Variants in GPM6B observed in about 807,000 individuals in gnomAD.
GPM6B encodes glycoprotein M6B.
GPM6B carries 4 observed loss-of-function variants against 27.2 expected under a neutral mutation model. The ratio of observed to expected loss-of-function variants is 0.15; its 90% CI spans 0.07 to 0.34. The LOEUF is 0.34. GPM6B is among the 10% of genes least tolerant of loss of function. The pLI, the probability that GPM6B is intolerant of heterozygous loss-of-function variation, is 1.00. For synonymous variants in GPM6B, 124 were observed against 103.1 expected (o/e 1.20, Z -1.23); for missense variants, 183 against 261.9 (o/e 0.70, Z 2.08).
At chrX:13,850,476 C>T (rs1288902543) in intron 1 of GPM6B, among the ~76,000 whole-genome samples, 1 of 112,597 alleles carries the variant, frequency 8.9e-6, no homozygotes, top group Non-Finnish European at 1.9e-5. Flanking sequence ...CTCAGGCGTT[C>T]CTTTATAGCA....
At chrX:13,824,773 A>G (rs2049352180) in intron 1 of GPM6B, among the ~76,000 whole-genome samples, 1 of 111,852 alleles carries the variant, frequency 8.9e-6, no homozygotes, top group African/African-American at 3.3e-5. Context: ...GGAACTGGAG[A>G]GATCGGGTGA....
intron 1 of GPM6B, among the ~76,000 whole-genome samples, chrX:13,825,661 C>A (rs890671500): frequency 8.9e-6 from 1 of 112,729 alleles, no homozygotes; most frequent in Non-Finnish European, 1.9e-5. Flanking sequence ...TACAGGGGGG[C>A]TACAGAAGTT....
intron 1 of GPM6B, among the ~76,000 whole-genome samples, chrX:13,827,608 C>T (rs187271696): frequency 2.7e-5 from 3 of 111,967 alleles, no homozygotes; most frequent in Non-Finnish European, 5.6e-5. Context: ...TGAGGCCTAA[C>T]CTTCAATACT....
At chrX:13,901,438 A>T (rs67549520) in intron 1 of GPM6B, among the ~76,000 whole-genome samples, 424 of 28,585 alleles carry the variant, frequency 0.015, no homozygotes, top group East Asian at 0.074. Context: ...TTTTTTTTTT[A>T]AAAAAAAAGG....
chrX:13,783,830 C>T (rs1569191731), intron 3 of GPM6B: 1 of 383,590 alleles, frequency 2.6e-6, no homozygotes. Context: ...ATAAGTAAAA[C>T]ACAGGCATTG....
chrX:13,921,888 T>G (rs902254418), intron 1 of GPM6B, among the ~76,000 whole-genome samples: 1 of 111,592 alleles, frequency 9.0e-6, no homozygotes, highest in Non-Finnish European at 1.9e-5. Context: ...ATACCCACTT[T>G]TAATAATATG....
chrX:13,918,792 G>T (rs892715838), intron 1 of GPM6B, among the ~76,000 whole-genome samples: 7 of 110,921 alleles, frequency 6.3e-5, no homozygotes, highest in Non-Finnish European at 1.3e-4. Flanking sequence ...GCAGGGAGGT[G>T]CCAAACACTT....
intron 1 of GPM6B, among the ~76,000 whole-genome samples, chrX:13,878,641 C>T (rs912331117): frequency 1.9e-4 from 21 of 111,662 alleles, no homozygotes; most frequent in Non-Finnish European, 1.5e-4. Flanking sequence ...CCCCCCACCC[C>T]AAGATGTCCA....
At chrX:13,925,476 A>G (rs1341637856) in intron 1 of GPM6B, among the ~76,000 whole-genome samples, 1 of 95,640 alleles carries the variant, frequency 1.0e-5, no homozygotes, top group Non-Finnish European at 2.1e-5. Context: ...ACAGGCAGGC[A>G]CCACCATGTC....
rs190686813 is a variant in GPM6B, at chrX:13,928,194, A to G, written c.-198+10133T>C. ...TAGGGGTGATTAGCCTTGATCAGGTATATCTGTAAGGCAGCCTGAGGCGGC... is the reference window on the plus strand; with the variant it reads ...TAGGGGTGATTAGCCTTGATCAGGTGTATCTGTAAGGCAGCCTGAGGCGGC... On this transcript the variant is annotated intron_variant, in intron 1 of 6. Transcript: ENST00000398361. Among the ~76,000 whole-genome samples the G allele has an allele frequency of 3.2e-3, 360 of 112,299 alleles. 2 individuals carry two copies. In the Middle Eastern group the frequency reaches 0.032, roughly 10 times the overall value.
chrX:13,807,710 T>A lies in GPM6B; in HGVS notation c.121A>T (p.Asn41Tyr). 1 of 1,206,265 alleles carries A rather than the reference T, an allele frequency of 8.3e-7. No homozygotes were observed. Among genetic ancestry groups the A allele is most frequent in the Non-Finnish European group, 1.1e-6 (1 of 890,813 alleles). The change falls in exon 2 of 8, where the codon AAC becomes TAC. Residue 41 changes from asparagine (N) to tyrosine (Y), a missense_variant. Asn to Tyr is a moderately radical substitution (Grantham distance 143). Transcript: ENST00000316715. ...RYHWMYPGSK[N>Y]HQYHPVPTLG... ...GTTGGCACGGGATGGTACTGGTGGT[T>A]CTTTGAGCCTGGGTACATCCAGTGG...
chrX:13,788,931 T>C (rs942581585), intron 2 of GPM6B, among the ~76,000 whole-genome samples: 3 of 111,524 alleles, frequency 2.7e-5, no homozygotes, highest in Non-Finnish European at 5.6e-5. Flanking sequence ...ATCACTTCAA[T>C]GAATCATGCT....
intron 1 of GPM6B, among the ~76,000 whole-genome samples, chrX:13,849,926 G>A (rs771839672): frequency 1.8e-5 from 2 of 110,951 alleles, no homozygotes; most frequent in South Asian, 7.8e-4. Context: ...AGGCATGGTG[G>A]CACGCACCTG....
At chrX:13,784,849 G>A (rs926628933) in intron 3 of GPM6B, among the ~76,000 whole-genome samples, 1 of 111,645 alleles carries the variant, frequency 9.0e-6, no homozygotes, top group African/African-American at 3.3e-5. Context: ...GGATGCCCTG[G>A]GATCTGCTCT....
At chrX:13,877,847 A>AT (rs2050053640) in intron 1 of GPM6B, among the ~76,000 whole-genome samples, 1 of 106,404 alleles carries the variant, frequency 9.4e-6, no homozygotes, top group Non-Finnish European at 1.9e-5. Context: ...AAAAAAAAAA[A>AT]AAAATTCACC....
chrX:13,824,316 T>C (rs182331467), intron 1 of GPM6B, among the ~76,000 whole-genome samples: 5 of 112,563 alleles, frequency 4.4e-5, no homozygotes, highest in Non-Finnish European at 9.4e-5. Context: ...TATTGTGATA[T>C]TCTATCAGCA....
rs997360779 is a variant in GPM6B, at chrX:13,916,842, T to C, written c.-198+21485A>G. On this transcript the variant is annotated intron_variant, in intron 1 of 6. Transcript: ENST00000398361. ...CAAGTGAAAAGCCAGTAGGCACATC[T>C]GCCTTATAACTTCTGCTAGCTTAAT... Among the ~76,000 whole-genome samples, 8 of 111,191 alleles carry C rather than the reference T, an allele frequency of 7.2e-5. 1 individual carries two copies. The highest frequency in any genetic ancestry group is 1.5e-4 in the Non-Finnish European group (8 of 53,048).
intron 1 of GPM6B, among the ~76,000 whole-genome samples, chrX:13,899,747 G>A (rs185740574): frequency 9.0e-6 from 1 of 111,074 alleles, no homozygotes; most frequent in East Asian, 2.8e-4. Flanking sequence ...GGAGCTGTAC[G>A]GACATTGAGC....
intron 7 of GPM6B, among the ~76,000 whole-genome samples, chrX:13,774,920 G>A (rs1328818439): frequency 8.9e-6 from 1 of 111,999 alleles, no homozygotes; most frequent in Non-Finnish European, 1.9e-5. Context: ...GAAGCTAAAT[G>A]CCTTAATCCT....
Sources: allele counts gnomAD v4.1 joint callset (sites outside exome capture counted in the v4.1 genomes callset), GRCh38; gene constraint gnomAD v4.1.1; transcripts MANE v1.5; gene names NCBI Gene and HGNC (gene_info 2026-07-23, HGNC 2026-07-21).